Variants in CHM observed in about 807,000 individuals in gnomAD.
CHM encodes the protein rab proteins geranylgeranyltransferase component A 1.
In CHM, 10 loss-of-function variants were observed where a neutral mutation model predicts 49.0. That is an observed-to-expected ratio of 0.20 (90% CI 0.13 to 0.35). The LOEUF is 0.35. Among genes scored for constraint, CHM ranks in the 10% least tolerant of loss-of-function variants. The probability of loss-of-function intolerance (pLI) is 1.00; values close to 1 mark genes in which losing one functional copy is unlikely to be tolerated. For missense variants in CHM, 455 were observed against 478.4 expected, an observed-to-expected ratio of 0.95 and a Z score of 0.46; for synonymous variants, 184 against 167.5, an observed-to-expected ratio of 1.10 and a Z score of -0.76.
At chrX:85,972,474 T>C (rs1385747840) in intron 4 of CHM, among the ~76,000 whole-genome samples, 2 of 113,030 alleles carry the variant, frequency 1.8e-5, no homozygotes, top group Non-Finnish European at 3.8e-5. Flanking sequence ...GGCTCAGGCA[T>C]GGCGGGCTGC....
chrX:85,997,379 A>C (rs1932488778), intron 2 of CHM, among the ~76,000 whole-genome samples: 1 of 111,953 alleles, frequency 8.9e-6, no homozygotes, highest in African/African-American at 3.2e-5. Flanking sequence ...GGAACTAGAA[A>C]AGAACATAAC....
chrX:85,949,548 A>C (rs1294216631), intron 8 of CHM, among the ~76,000 whole-genome samples: 1 of 110,285 alleles, frequency 9.1e-6, no homozygotes, highest in Non-Finnish European at 1.9e-5. Flanking sequence ...AGAGTAACTA[A>C]GAAAACCATA....
chrX:85,920,963 T>C (rs761618179), intron 8 of CHM, among the ~76,000 whole-genome samples: 1 of 112,345 alleles, frequency 8.9e-6, no homozygotes, highest in East Asian at 2.8e-4. Flanking sequence ...CTCAAGAAAG[T>C]ACATGTTTAT....
intron 2 of CHM, among the ~76,000 whole-genome samples, chrX:86,008,027 AC>A (rs1459963804): frequency 8.9e-6 from 1 of 112,174 alleles, no homozygotes; most frequent in African/African-American, 3.2e-5. Context: ...ACAATGACAG[AC>A]TGGATTAAGA....
chrX:86,006,302 T>A (rs1034274082), intron 2 of CHM, among the ~76,000 whole-genome samples: 4 of 111,632 alleles, frequency 3.6e-5, no homozygotes, highest in African/African-American at 1.3e-4. Flanking sequence ...CCACAGCCAG[T>A]GTCATACTGA....
At chrX:85,986,747 C>T (rs889221717) in intron 2 of CHM, among the ~76,000 whole-genome samples, 13 of 112,007 alleles carry the variant, frequency 1.2e-4, no homozygotes, top group African/African-American at 4.2e-4. Context: ...ACTCGGGTAA[C>T]TCAAATGGCC....
chrX:85,908,834 G>A (rs1318190569), intron 9 of CHM, among the ~76,000 whole-genome samples: 3 of 111,575 alleles, frequency 2.7e-5, no homozygotes, highest in Non-Finnish European at 3.8e-5. Context: ...CATCCAAGTT[G>A]TTCAACTTCT....
intron 4 of CHM, among the ~76,000 whole-genome samples, chrX:85,966,904 T>C (rs1569230492): frequency 1.8e-5 from 2 of 111,921 alleles, no homozygotes; most frequent in African/African-American, 3.2e-5. Context: ...TAACCAGTAC[T>C]GGACAACCTG....
At chrX:85,997,612 A>G (rs1404799100) in intron 2 of CHM, among the ~76,000 whole-genome samples, 4 of 110,777 alleles carry the variant, frequency 3.6e-5, no homozygotes, top group Admixed American at 2.9e-4. Context: ...TACCTACCCT[A>G]CCTTACAAAG....
chrX:86,040,197 T>C (rs1346030563), intron 1 of CHM, among the ~76,000 whole-genome samples: 1 of 112,033 alleles, frequency 8.9e-6, no homozygotes, highest in African/African-American at 3.2e-5. Flanking sequence ...TAACATTCCC[T>C]CTGGAGCTTC....
At chrX:85,923,031 C>G (rs781782643) in intron 8 of CHM, among the ~76,000 whole-genome samples, 3 of 111,644 alleles carry the variant, frequency 2.7e-5, no homozygotes, top group Non-Finnish European at 5.6e-5. Flanking sequence ...CACTAGAAGT[C>G]AAGTGTATAA....
At chrX:85,969,543 G>T (rs1930771136) in intron 4 of CHM, 1 of 326,164 alleles carries the variant, frequency 3.1e-6, no homozygotes, top group African/African-American at 2.9e-5. Context: ...AAACAGTACA[G>T]AAGTTCCTCA....
chrX:85,937,414 A>C (rs1356236945), intron 8 of CHM, among the ~76,000 whole-genome samples: 3 of 110,925 alleles, frequency 2.7e-5, no homozygotes, highest in Non-Finnish European at 5.7e-5. Context: ...AACTATTAAA[A>C]TTATTTTAAG....
At chrX:86,046,318 T>C in intron 1 of CHM, among the ~76,000 whole-genome samples, 1 of 112,355 alleles carries the variant, frequency 8.9e-6, no homozygotes, top group African/African-American at 3.2e-5. Flanking sequence ...CTGAGCAAAT[T>C]ACAACTTTTC....
chrX:85,995,260 T>TAA (rs55742394), intron 2 of CHM, among the ~76,000 whole-genome samples: 1,195 of 46,723 alleles, frequency 0.026, 81 homozygotes, highest in African/African-American at 0.077. Context: ...CCTTATTACT[T>TAA]AAAAAAAAAA....
chrX:86,046,123 CTG>C (rs925373886), intron 1 of CHM, among the ~76,000 whole-genome samples: 50 of 112,254 alleles, frequency 4.5e-4, no homozygotes, highest in African/African-American at 1.5e-3. Context: ...AACAAGGAAA[CTG>C]AGGCTCAGAG....
chrX:85,928,179 CTTTA>C (rs984840074), intron 8 of CHM, among the ~76,000 whole-genome samples: 1 of 112,155 alleles, frequency 8.9e-6, no homozygotes, highest in Non-Finnish European at 1.9e-5. Context: ...GAAAGTGTCT[CTTTA>C]TTCAGTATCT....
chrX:85,905,003 G>A (rs1926506969), intron 9 of CHM, among the ~76,000 whole-genome samples: 2 of 111,514 alleles, frequency 1.8e-5, no homozygotes, highest in Non-Finnish European at 3.8e-5. Flanking sequence ...CACATCTATT[G>A]CCACCCATCA....
intron 2 of CHM, among the ~76,000 whole-genome samples, chrX:86,022,113 AAC>A (rs1409664803): frequency 2.3e-3 from 263 of 112,051 alleles, no homozygotes; most frequent in African/African-American, 8.3e-3. Context: ...TCTGTTGCAC[AAC>A]AATGTGAACA....
Sources: gnomAD v4.1 joint callset for allele counts (sites outside exome capture counted in the v4.1 genomes callset) on GRCh38, gnomAD v4.1.1 for gene constraint, MANE v1.5 for transcripts, NCBI Gene and HGNC (gene_info 2026-07-23, HGNC 2026-07-21) for gene names.